The following HIVEP2 variants were observed in gnomAD, a reference collection of about 807,000 sequenced individuals.
HIVEP2 encodes HIVEP zinc finger 2.
A neutral mutation model predicts 180.7 loss-of-function variants in HIVEP2; 14 were observed. That is an observed-to-expected ratio of 0.08 (90% confidence interval 0.05 to 0.12). The LOEUF (loss-of-function observed/expected upper bound fraction) is 0.12. Ranked by LOEUF, HIVEP2 falls within the 10% of genes least tolerant of loss-of-function variation. The pLI is 1.00. For missense variants in HIVEP2, 2,579 were observed against 3,008.5 expected, an observed-to-expected ratio of 0.86 and a Z score of 3.34; for synonymous variants, 1,184 against 1,136.4, an observed-to-expected ratio of 1.04 and a Z score of -0.84.
At chr6:142,885,503 C>T (rs1265920280) in intron 1 of HIVEP2, among the ~76,000 whole-genome samples, 1 of 152,014 alleles carries the variant, frequency 6.6e-6, no homozygotes, top group African/African-American at 2.4e-5. Flanking sequence ...AACAACAAGC[C>T]GTGGTTCCCA....
intron 9 of HIVEP2, among the ~76,000 whole-genome samples, chr6:142,758,534 A>C (rs1056919938): frequency 6.6e-6 from 1 of 152,220 alleles, no homozygotes; most frequent in African/African-American, 2.4e-5. Context: ...GGAGTACAAC[A>C]AAGAGTAGAA....
In HIVEP2 at chr6:142,770,967, C is replaced by G. The variant is rs750577121; in HGVS notation, c.3772G>C (p.Glu1258Gln). The G allele has an allele frequency of 8.7e-6, 14 of 1,614,166 alleles. No individual in the cohort carries two copies. The highest frequency in any genetic ancestry group is 5.0e-5 in the Admixed American group (3 of 60,018). ...TTTCCAGTGTGCTCTGCCACATGCT[C>G]TAAGGGATAGCTCGAATGGATTTCT... The part of the protein sequence containing the change: ...QTEIHSSYPL[E>Q]HVAEHTGKKP... Residue 1258 changes from glutamate to glutamine, a missense_variant, in exon 5 of 10, where the codon GAG becomes CAG. Transcript: ENST00000367603. This position sits in a 1 kb window ranked among gnomAD's most constrained non-coding sequence, Gnocchi z 4.7.
At chr6:142,873,322 C>T (rs1776344894) in intron 1 of HIVEP2, among the ~76,000 whole-genome samples, 1 of 152,164 alleles carries the variant, frequency 6.6e-6, no homozygotes, top group Non-Finnish European at 1.5e-5. Flanking sequence ...TTTCTTATCT[C>T]TACTTTCCCA....
chr6:142,937,452 G>C (rs1458027753), intron 1 of HIVEP2, among the ~76,000 whole-genome samples: 1 of 152,016 alleles, frequency 6.6e-6, no homozygotes, highest in Admixed American at 6.6e-5. Flanking sequence ...CTCTTGAATG[G>C]GTATTATCCT....
chr6:142,878,583 G>A (rs1776503226), intron 1 of HIVEP2, among the ~76,000 whole-genome samples: 1 of 152,148 alleles, frequency 6.6e-6, no homozygotes, highest in South Asian at 2.1e-4. Context: ...CCGTCTCCAA[G>A]TTCCATATGA....
intron 1 of HIVEP2, among the ~76,000 whole-genome samples, chr6:142,932,090 A>G (rs186403613): frequency 2.6e-5 from 4 of 152,248 alleles, no homozygotes; most frequent in South Asian, 2.1e-4. Flanking sequence ...TGCCTCTCTC[A>G]TGGTACTTAA....
At position 142,770,451 on chromosome 6, in the gene HIVEP2, C is replaced by T. The variant is rs769665573; in HGVS notation, c.4288G>A (p.Asp1430Asn). The T allele has an allele frequency of 6.2e-7, 1 of 1,614,136 alleles. No homozygotes were observed. The highest frequency in any genetic ancestry group is 1.7e-5 in the Admixed American group (1 of 60,022). Reference protein sequence around the residue: ...SIPLCLPSTSDSVATLGGSKR... With the variant: ...SIPLCLPSTSNSVATLGGSKR... The stretch of plus-strand genomic sequence containing the variant: ...CTACCTCCCAGGGTGGCCACGCTGT[C>T]AGAGGTGGAAGGTAAACACAAGGGG... Residue 1430 changes from aspartate (D) to asparagine (N), a missense_variant, in exon 5 of 10, where the codon GAC becomes AAC. By Grantham distance (23) the Asp-to-Asn change is conservative (BLOSUM62 1). Coordinates refer to ENST00000367603, the MANE Select transcript of HIVEP2 (RefSeq NM_006734.4). The surrounding 1 kb of genome is among the most constrained non-coding windows in gnomAD (Gnocchi z 4.7).
At chr6:142,826,704 C>T (rs1289000426) in intron 2 of HIVEP2, among the ~76,000 whole-genome samples, 1 of 152,130 alleles carries the variant, frequency 6.6e-6, no homozygotes, top group Non-Finnish European at 1.5e-5. Flanking sequence ...TTCTAGCAGG[C>T]TGAGCACATT....
chr6:142,898,836 G>A (rs1193307389), intron 1 of HIVEP2, among the ~76,000 whole-genome samples: 5 of 152,104 alleles, frequency 3.3e-5, no homozygotes, highest in South Asian at 2.1e-4. Context: ...CAGCCACTAA[G>A]TACTGTGTGC....
chr6:142,896,058 C>A (rs1776982189), intron 1 of HIVEP2, among the ~76,000 whole-genome samples: 1 of 152,080 alleles, frequency 6.6e-6, no homozygotes, highest in Non-Finnish European at 1.5e-5. Flanking sequence ...AAGAGATAAG[C>A]TAAAACTTAG....
intron 9 of HIVEP2, among the ~76,000 whole-genome samples, chr6:142,756,905 C>T (rs1775089479): frequency 6.6e-6 from 1 of 152,074 alleles, no homozygotes; most frequent in Non-Finnish European, 1.5e-5. Context: ...ACCTCCTTCT[C>T]ATCATTTGTG....
At chr6:142,822,105 C>T (rs969235574) in intron 2 of HIVEP2, among the ~76,000 whole-genome samples, 7 of 152,150 alleles carry the variant, frequency 4.6e-5, no homozygotes, top group Admixed American at 1.3e-4. Flanking sequence ...CTTTTAATTC[C>T]GGCTCCACCA....
chr6:142,792,229 C>G (rs145953562), intron 2 of HIVEP2, among the ~76,000 whole-genome samples: 1 of 152,170 alleles, frequency 6.6e-6, no homozygotes, highest in East Asian at 1.9e-4. Context: ...TCTTTCCATC[C>G]CTTTCGGGCA....
intron 7 of HIVEP2, among the ~76,000 whole-genome samples, chr6:142,762,228 G>A (rs1339308153): frequency 6.6e-6 from 1 of 152,158 alleles, no homozygotes; most frequent in African/African-American, 2.4e-5. Flanking sequence ...AAATTCTGGA[G>A]CAGCAACATT....
intron 1 of HIVEP2, among the ~76,000 whole-genome samples, chr6:142,845,493 T>C (rs1204471617): frequency 1.3e-5 from 2 of 152,190 alleles, no homozygotes; most frequent in Non-Finnish European, 2.9e-5. Flanking sequence ...TTTTTTCTCC[T>C]TGGTACCTAT....
chr6:142,930,821 G>A (rs1232050792), intron 1 of HIVEP2, among the ~76,000 whole-genome samples: 1 of 152,094 alleles, frequency 6.6e-6, no homozygotes, highest in Non-Finnish European at 1.5e-5. Context: ...ATGAATTCAA[G>A]TAAAACAAAA....
chr6:142,851,540 A>G (rs1775672251), intron 1 of HIVEP2, among the ~76,000 whole-genome samples: 1 of 152,262 alleles, frequency 6.6e-6, no homozygotes, highest in Admixed American at 6.5e-5. Context: ...TTTATGAGGC[A>G]GGTACAATTA....
chr6:142,871,617 TA>T (rs35262877), intron 1 of HIVEP2, among the ~76,000 whole-genome samples: 134 of 147,102 alleles, frequency 9.1e-4, no homozygotes, highest in East Asian at 1.2e-3. Context: ...AGATCAGAAG[TA>T]AAAAAAAAAA....
Position 142,774,005 on chromosome 6 carries a change from G to A in HIVEP2, c.734C>T (p.Ala245Val). Residue 245 changes from alanine (A) to valine (V), a missense_variant, in exon 5 of 10, where the codon GCA becomes GTA. Around this residue, in one of 11 missense-constraint regions of HIVEP2, gnomAD observed 142 missense variants for 135.2 expected, o/e 1.05. Transcript: ENST00000367603. The surrounding 1 kb of genome is among the most constrained non-coding windows in gnomAD (Gnocchi z 5.1). ...HRKSHAHAIK[A>V]GLVPFTESAV... ...TGACTCTGTGAAAGGTACTAATCCT[G>A]CCTTAATTGCATGGGCATGTGACTT... 1 of 1,614,212 alleles carries A rather than the reference G, an allele frequency of 6.2e-7. No individual in the cohort carries two copies. The highest frequency in any genetic ancestry group is 8.5e-7 in the Non-Finnish European group (1 of 1,180,046).
Sources: gnomAD v4.1 joint callset for allele counts (sites outside exome capture counted in the v4.1 genomes callset) on GRCh38, gnomAD v4.1.1 for gene constraint, gnomAD v4.1.1 regional missense constraint, Gnocchi (gnomAD v3.1) non-coding constraint, MANE v1.5 for transcripts, NCBI Gene and HGNC (gene_info 2026-07-23, HGNC 2026-07-21) for gene names.